Variants in EYS observed in about 807,000 individuals in gnomAD.
The protein encoded by EYS is EGF-like photoreceptor maintenance factor.
EYS carries 250 observed loss-of-function variants against 282.1 expected under a neutral mutation model. That is an observed-to-expected ratio of 0.89 (90% CI 0.80 to 0.98). EYS has a LOEUF of 0.98. EYS is among the 50% of genes least tolerant of loss of function. The probability of loss-of-function intolerance (pLI) is 0.00; values close to 1 mark genes in which losing one functional copy is unlikely to be tolerated. For missense variants in EYS, 4,016 were observed against 3,709.0 expected, an observed-to-expected ratio of 1.08 and a Z score of -2.15; for synonymous variants, 1,355 against 1,282.9, an observed-to-expected ratio of 1.06 and a Z score of -1.20.
chr6:64,242,828 T>G (rs1562268891), intron 30 of EYS, among the ~76,000 whole-genome samples: 2 of 147,270 alleles, frequency 1.4e-5, no homozygotes, highest in Non-Finnish European at 3.0e-5. Flanking sequence ...GTTTTTAATA[T>G]ATATAATATA....
At chr6:64,192,368 C>T (rs1040324425) in intron 31 of EYS, among the ~76,000 whole-genome samples, 3 of 152,072 alleles carry the variant, frequency 2.0e-5, no homozygotes, top group African/African-American at 7.2e-5. Context: ...CTTTTGTTGC[C>T]ATTGCTTTTG....
At chr6:64,434,624 TAC>T (rs992454671) in intron 28 of EYS, among the ~76,000 whole-genome samples, 54 of 152,128 alleles carry the variant, frequency 3.5e-4, no homozygotes, top group African/African-American at 1.3e-3. Context: ...GCTTCAAACT[TAC>T]AGATTTTGGA....
At chr6:65,650,173 G>C (rs1475790150) in intron 1 of EYS, among the ~76,000 whole-genome samples, 1 of 152,072 alleles carries the variant, frequency 6.6e-6, no homozygotes, top group Admixed American at 6.6e-5. Flanking sequence ...CTGAATGAAG[G>C]CAGGCAAAAT....
intron 24 of EYS, among the ~76,000 whole-genome samples, chr6:64,615,091 G>A (rs1288143135): frequency 2.0e-5 from 3 of 151,946 alleles, no homozygotes; most frequent in African/African-American, 7.2e-5. Context: ...CTTACCCCCT[G>A]TACATTGTCA....
rs1231312998 is a variant in EYS at position 64,323,153 on chromosome 6, TAA to T, written c.6079-16073_6079-16072del. On this transcript the variant is annotated intron_variant, in intron 29 of 42. Coordinates refer to ENST00000503581, the MANE Select transcript of EYS (RefSeq NM_001142800.2). ...ACCATTACTACAATTAATTTTAGAATAATTTGTCACCCCAAAAAGAAACACCT... is the reference window on the plus strand; with the variant it reads ...ACCATTACTACAATTAATTTTAGAATTTTGTCACCCCAAAAAGAAACACCT... 7.2e-4 allele frequency among the ~76,000 whole-genome samples: 11 copies of T among 15,278 alleles called. No homozygotes were observed. In the East Asian group the frequency reaches 7.5e-3, roughly 10 times the overall value. The allele number at this position is 15,278 out of a possible 152,430, so 10.0% of individuals were successfully genotyped here. A position where few individuals can be genotyped will look rare whatever the true frequency, so the allele number is the denominator to read the frequency against.
intron 35 of EYS, among the ~76,000 whole-genome samples, chr6:63,878,035 TGGA>T (rs1581924562): frequency 6.6e-6 from 1 of 152,224 alleles, no homozygotes; most frequent in Non-Finnish European, 1.5e-5. Flanking sequence ...TGTGTTCCTT[TGGA>T]GGAGAAGAGG....
chr6:64,250,153 T>A (rs1027262535), intron 30 of EYS, among the ~76,000 whole-genome samples: 2 of 152,230 alleles, frequency 1.3e-5, no homozygotes, highest in Admixed American at 6.5e-5. Flanking sequence ...TTACCTATCC[T>A]TTTCTCCAGA....
At chr6:64,703,188 G>T (rs189789380) in intron 22 of EYS, among the ~76,000 whole-genome samples, 9 of 151,820 alleles carry the variant, frequency 5.9e-5, no homozygotes, top group African/African-American at 1.7e-4. Context: ...CAGGTAGCAT[G>T]AGGTTCATAA....
At chr6:63,729,629 A>C (rs1258541186) in intron 41 of EYS, among the ~76,000 whole-genome samples, 1 of 151,942 alleles carries the variant, frequency 6.6e-6, no homozygotes, top group Non-Finnish European at 1.5e-5. Flanking sequence ...GTCAAAGAGC[A>C]GTTGACTCTA....
intron 2 of EYS, among the ~76,000 whole-genome samples, chr6:65,616,744 C>A (rs1334077212): frequency 6.6e-6 from 1 of 151,674 alleles, no homozygotes; most frequent in Non-Finnish European, 1.5e-5. Context: ...CGAGATAACG[C>A]CACTGCACTC....
intron 36 of EYS, among the ~76,000 whole-genome samples, chr6:63,813,020 T>A (rs1168364186): frequency 1.3e-5 from 2 of 152,164 alleles, no homozygotes; most frequent in Non-Finnish European, 2.9e-5. Flanking sequence ...ATTCTGTCAC[T>A]CAGACTGGAG....
chr6:63,766,009 A>T (rs958340422), intron 40 of EYS, among the ~76,000 whole-genome samples: 2 of 152,104 alleles, frequency 1.3e-5, no homozygotes, highest in African/African-American at 4.8e-5. Context: ...TGTTATGTGT[A>T]GGATGACTGC....
chr6:64,576,727 T>A (rs910828014), intron 26 of EYS, among the ~76,000 whole-genome samples: 2 of 152,104 alleles, frequency 1.3e-5, no homozygotes. Flanking sequence ...TTATGAAGAA[T>A]ATAAGCAATT....
chr6:63,814,763 A>G (rs1399539862), intron 36 of EYS, among the ~76,000 whole-genome samples: 1 of 152,226 alleles, frequency 6.6e-6, no homozygotes, highest in Non-Finnish European at 1.5e-5. Context: ...TCCCTGAAAC[A>G]TATAGGTTCA....
At chr6:65,597,946 A>G (rs1260720137) in intron 2 of EYS, among the ~76,000 whole-genome samples, 1 of 151,982 alleles carries the variant, frequency 6.6e-6, no homozygotes, top group African/African-American at 2.4e-5. Flanking sequence ...ACTGAAATAA[A>G]AAAGTTAACT....
intron 29 of EYS, among the ~76,000 whole-genome samples, chr6:64,334,015 G>A (rs1348881926): frequency 6.6e-6 from 1 of 152,158 alleles, no homozygotes; most frequent in Non-Finnish European, 1.5e-5. Flanking sequence ...CCCATCATCG[G>A]AAAATACTGT....
intron 19 of EYS, among the ~76,000 whole-genome samples, chr6:64,835,383 G>T (rs148642469): frequency 2.0e-5 from 3 of 151,722 alleles, no homozygotes; most frequent in African/African-American, 7.2e-5. Flanking sequence ...ATAGAAGAAA[G>T]TATGTGGTGT....
intron 11 of EYS, among the ~76,000 whole-genome samples, chr6:65,334,141 C>G (rs2150312961): frequency 6.6e-6 from 1 of 151,696 alleles, no homozygotes; most frequent in African/African-American, 2.4e-5. Flanking sequence ...TTATGCCTGC[C>G]ATTTTACTTT....
chr6:64,671,527 A>T (rs1769462372), intron 22 of EYS, among the ~76,000 whole-genome samples: 1 of 152,126 alleles, frequency 6.6e-6, no homozygotes, highest in Non-Finnish European at 1.5e-5. Flanking sequence ...CGACCAAAAG[A>T]GCTAAGAACC....
Sources: allele counts gnomAD v4.1 joint callset (sites outside exome capture counted in the v4.1 genomes callset), GRCh38; gene constraint gnomAD v4.1.1; transcripts MANE v1.5; gene names NCBI Gene and HGNC (gene_info 2026-07-23, HGNC 2026-07-21).